Variants in SHLD2 observed in about 807,000 individuals in gnomAD.
SHLD2 encodes RINN1-REV7-interacting novel NHEJ regulator 2.
In SHLD2, 30 loss-of-function variants were observed where a neutral mutation model predicts 73.2. The observed-to-expected ratio is 0.41, with a 90% confidence interval of 0.31 to 0.56. The LOEUF is 0.56. Ranked by LOEUF, SHLD2 falls within the 20% of genes least tolerant of loss-of-function variation. SHLD2 has a pLI of 0.28. For missense variants in SHLD2, 745 were observed against 1,055.9 expected (o/e 0.71, Z 4.08); for synonymous variants, 285 against 370.1 (o/e 0.77, Z 2.64).
intron 2 of SHLD2, among the ~76,000 whole-genome samples, chr10:87,140,293 G>A (rs1045545779): frequency 3.3e-5 from 5 of 151,458 alleles, no homozygotes; most frequent in African/African-American, 7.3e-5. Flanking sequence ...GGTGGCATGC[G>A]ACTGTAATCT....
intron 1 of SHLD2, among the ~76,000 whole-genome samples, chr10:87,096,522 C>G (rs1413854820): frequency 6.6e-6 from 1 of 152,012 alleles, no homozygotes; most frequent in Non-Finnish European, 1.5e-5. Flanking sequence ...CCAAAGCAGG[C>G]TGATCGCTTG....
intron 2 of SHLD2, among the ~76,000 whole-genome samples, chr10:87,127,437 C>T (rs1397510219): frequency 6.8e-6 from 1 of 146,356 alleles, no homozygotes; most frequent in African/African-American, 2.5e-5. Flanking sequence ...GAACAAGAAT[C>T]TTTAGAAATA....
At chr10:87,125,191 A>G (rs1250667852) in intron 2 of SHLD2, among the ~76,000 whole-genome samples, 1 of 152,186 alleles carries the variant, frequency 6.6e-6, no homozygotes, top group Non-Finnish European at 1.5e-5. Flanking sequence ...GTCCATCTGA[A>G]TTTTATGTTT....
Position 87,152,016 on chromosome 10 carries a change from A to G in SHLD2, c.662A>G (p.Lys221Arg). The G allele has an allele frequency of 6.2e-7, 1 of 1,611,946 alleles. No individual in the cohort carries two copies. The highest frequency in any genetic ancestry group is 8.5e-7 in the Non-Finnish European group (1 of 1,179,812). ...LGLFSSNAVD[K>R]SRSEAAVRKV... ...TTATTTTCCTCGAACGCAGTAGATA[A>G]GTCAAGGTCTGAAGCAGCAGTTAGG... Residue 221 changes from lysine to arginine, a missense_variant, in exon 3 of 10, where the codon AAG (lysine) becomes AGG (arginine). Lys to Arg is a conservative substitution (Grantham distance 26, BLOSUM62 2). Around this residue, in one of 5 missense-constraint regions of SHLD2, gnomAD observed 280 missense variants for 353.9 expected, o/e 0.79. Coordinates refer to ENST00000298786, the MANE Select transcript of SHLD2 (RefSeq NM_001330112.2).
Position 87,190,688 on chromosome 10 carries a change from A to G in SHLD2, c.*5A>G. On this transcript the variant is annotated 3_prime_UTR_variant, in exon 10 of 10. Transcript: ENST00000298786. Reference sequence around the variant, plus strand: ...GGAGCCAATGCCCGTCTCTGAGGCCAGAGGAAGAAATTGCAGGCATTTCAA... The same window carrying G: ...GGAGCCAATGCCCGTCTCTGAGGCCGGAGGAAGAAATTGCAGGCATTTCAA... 2 of 1,611,158 alleles carry G rather than the reference A, an allele frequency of 1.2e-6. No homozygotes were observed. Among genetic ancestry groups the G allele is most frequent in the South Asian group, 2.2e-5 (2 of 90,954 alleles).
intron 2 of SHLD2, among the ~76,000 whole-genome samples, chr10:87,137,594 T>C (rs992112421): frequency 4.6e-5 from 7 of 152,056 alleles, no homozygotes; most frequent in African/African-American, 1.7e-4. Flanking sequence ...CTAACATATA[T>C]GTAATTGGAG....
In SHLD2 at chr10:87,190,660, C is replaced by T; in HGVS notation, c.2692C>T (p.His898Tyr). 6.2e-7 allele frequency: 1 copy of T among 1,611,870 alleles called. No individual in the cohort carries two copies. Among genetic ancestry groups the T allele is most frequent in the Non-Finnish European group, 8.5e-7 (1 of 1,179,806 alleles). Reference sequence around the variant, plus strand: ...GGATTTTTATCCTGACATTGTAAAGCATGGAGCCAATGCCCGTCTCTGAGG... The same window carrying T: ...GGATTTTTATCCTGACATTGTAAAGTATGGAGCCAATGCCCGTCTCTGAGG... ...LLDFYPDIVK[H>Y]GANARL is the part of the protein sequence containing the mutation. The change falls in exon 10 of 10, where the codon CAT (histidine) becomes TAT (tyrosine). Residue 898 changes from histidine to tyrosine, a missense_variant. His to Tyr is a moderately conservative substitution (Grantham distance 83). Coordinates refer to ENST00000298786, the MANE Select transcript of SHLD2 (RefSeq NM_001330112.2).
chr10:87,176,412 A>G (rs1429408418), intron 7 of SHLD2, among the ~76,000 whole-genome samples: 7 of 152,192 alleles, frequency 4.6e-5, no homozygotes, highest in Non-Finnish European at 7.4e-5. Context: ...GGACTCCCAA[A>G]GTGCTGGAAT....
chr10:87,168,245 G>A (rs1329750821), intron 4 of SHLD2, among the ~76,000 whole-genome samples: 4 of 151,960 alleles, frequency 2.6e-5, no homozygotes, highest in Non-Finnish European at 5.9e-5. Context: ...CATCAGTGGA[G>A]GATTGAATAA....
At chr10:87,168,451 T>C (rs997407148) in intron 4 of SHLD2, among the ~76,000 whole-genome samples, 3 of 151,384 alleles carry the variant, frequency 2.0e-5, no homozygotes, top group Non-Finnish European at 2.9e-5. Flanking sequence ...ACAAAAAAAT[T>C]AGCTAGGTGT....
At chr10:87,168,063 G>A (rs1847328819) in intron 4 of SHLD2, among the ~76,000 whole-genome samples, 1 of 152,204 alleles carries the variant, frequency 6.6e-6, no homozygotes, top group Admixed American at 6.5e-5. Flanking sequence ...GTTGAAAACA[G>A]TTTGGGGTTT....
intron 2 of SHLD2, among the ~76,000 whole-genome samples, chr10:87,111,215 A>T (rs1321738674): frequency 6.6e-6 from 1 of 152,048 alleles, no homozygotes; most frequent in African/African-American, 2.4e-5. Flanking sequence ...AGGCTGGAGT[A>T]CAGTGGCGCC....
chr10:87,159,140 G>C (rs543382680), intron 4 of SHLD2, among the ~76,000 whole-genome samples: 2 of 152,308 alleles, frequency 1.3e-5, no homozygotes, highest in African/African-American at 2.4e-5. Context: ...TAATAGGAAA[G>C]TTATAGGATA....
intron 2 of SHLD2, among the ~76,000 whole-genome samples, chr10:87,106,743 A>G (rs1472751978): frequency 6.6e-6 from 1 of 152,232 alleles, no homozygotes; most frequent in Non-Finnish European, 1.5e-5. Flanking sequence ...TGAAGTTGCC[A>G]TTAGCACCTT....
At chr10:87,134,135 G>C (rs1046041796) in intron 2 of SHLD2, among the ~76,000 whole-genome samples, 8 of 152,172 alleles carry the variant, frequency 5.3e-5, no homozygotes, top group Non-Finnish European at 1.0e-4. Context: ...TACTGAGGGA[G>C]TGAACCATTT....
chr10:87,118,801 G>A (rs2134057260), intron 2 of SHLD2, among the ~76,000 whole-genome samples: 2 of 150,926 alleles, frequency 1.3e-5, no homozygotes, highest in Non-Finnish European at 3.0e-5. Flanking sequence ...AGTTTTGCAG[G>A]TAGAGAAAAT....
At chr10:87,097,569 G>A (rs894741375) in intron 2 of SHLD2, among the ~76,000 whole-genome samples, 1 of 152,106 alleles carries the variant, frequency 6.6e-6, no homozygotes, top group Non-Finnish European at 1.5e-5. Context: ...TCCAGCCTGG[G>A]CAACAGAGCG....
chr10:87,144,419 G>A (rs1845426335), intron 2 of SHLD2, among the ~76,000 whole-genome samples: 1 of 152,118 alleles, frequency 6.6e-6, no homozygotes, highest in Admixed American at 6.5e-5. Flanking sequence ...TATGCAAAGA[G>A]AGTTGAGAAG....
intron 8 of SHLD2, among the ~76,000 whole-genome samples, chr10:87,185,819 G>C (rs1848584397): frequency 6.6e-6 from 1 of 152,154 alleles, no homozygotes; most frequent in African/African-American, 2.4e-5. Flanking sequence ...TTTTTGAAAA[G>C]ACTGTTCCAT....
Sources: allele counts gnomAD v4.1 joint callset (sites outside exome capture counted in the v4.1 genomes callset), GRCh38; gene constraint gnomAD v4.1.1; regional missense constraint gnomAD v4.1.1; transcripts MANE v1.5; gene names NCBI Gene and HGNC (gene_info 2026-07-23, HGNC 2026-07-21).